LIN52: variants seen among roughly 807,000 people sequenced by gnomAD.
The protein encoded by LIN52 is protein lin-52 homolog.
Under a neutral mutation model 18.5 loss-of-function variants are expected in LIN52, and 4 were observed. The ratio of observed to expected loss-of-function variants is 0.22; its 90% CI spans 0.11 to 0.49. The LOEUF (loss-of-function observed/expected upper bound fraction) is 0.49, where lower values mean the gene tolerates loss of function less well. LIN52 is among the 20% of genes least tolerant of loss of function. The probability of loss-of-function intolerance (pLI) is 0.97; values close to 1 mark genes in which losing one functional copy is unlikely to be tolerated. For missense variants in LIN52, 102 were observed against 139.5 expected, an observed-to-expected ratio of 0.73 and a Z score of 1.35; for synonymous variants, 34 against 45.5, an observed-to-expected ratio of 0.75 and a Z score of 1.02.
At chr14:74,144,858 C>T (rs1245975884) in intron 5 of LIN52, among the ~76,000 whole-genome samples, 3 of 152,172 alleles carry the variant, frequency 2.0e-5, no homozygotes, top group Non-Finnish European at 2.9e-5. Context: ...GAAATGTTAA[C>T]TGGAACTTGT....
chr14:74,176,901 C>T (rs1198948200), intron 5 of LIN52, among the ~76,000 whole-genome samples: 2 of 152,198 alleles, frequency 1.3e-5, no homozygotes, highest in Non-Finnish European at 2.9e-5. Flanking sequence ...TATTTTCTAT[C>T]TCTGGGTTTT....
intron 5 of LIN52, among the ~76,000 whole-genome samples, chr14:74,185,305 A>ATTTT (rs1595190900): frequency 4.0e-5 from 3 of 75,298 alleles, no homozygotes; most frequent in Non-Finnish European, 8.1e-5. Context: ...TTTTATAATG[A>ATTTT]TTTCTTTTTT....
intron 5 of LIN52, among the ~76,000 whole-genome samples, chr14:74,105,787 G>A (rs534774679): frequency 4.6e-5 from 7 of 151,856 alleles, no homozygotes; most frequent in South Asian, 2.1e-4. Context: ...TAAAGATGAT[G>A]GAAAGAAAAA....
intron 5 of LIN52, among the ~76,000 whole-genome samples, chr14:74,123,091 T>C (rs573829796): frequency 6.6e-6 from 1 of 152,322 alleles, no homozygotes; most frequent in African/African-American, 2.4e-5. Context: ...TTAACTGTTG[T>C]TACTCTTATG....
intron 5 of LIN52, among the ~76,000 whole-genome samples, chr14:74,106,407 C>T (rs2060897492): frequency 2.0e-5 from 3 of 151,908 alleles, no homozygotes. Flanking sequence ...GTAGCTGGGA[C>T]TACAGGTGCA....
At chr14:74,185,283 T>G (rs2139589619) in intron 5 of LIN52, among the ~76,000 whole-genome samples, 1 of 150,666 alleles carries the variant, frequency 6.6e-6, no homozygotes. Flanking sequence ...GGTTTTTATG[T>G]AATATATTTG....
chr14:74,139,344 C>T (rs2061116198), intron 5 of LIN52, among the ~76,000 whole-genome samples: 1 of 152,120 alleles, frequency 6.6e-6, no homozygotes, highest in Non-Finnish European at 1.5e-5. Context: ...GGACAAGAGA[C>T]CTTTGCAAGA....
intron 5 of LIN52, among the ~76,000 whole-genome samples, chr14:74,136,043 A>G (rs1178277942): frequency 6.6e-6 from 1 of 152,170 alleles, no homozygotes; most frequent in African/African-American, 2.4e-5. Context: ...GTGAAATTAC[A>G]TTGTTACCTA....
chr14:74,098,710 G>C (rs2060832405), intron 4 of LIN52, among the ~76,000 whole-genome samples: 1 of 151,942 alleles, frequency 6.6e-6, no homozygotes, highest in South Asian at 2.1e-4. Flanking sequence ...ACCACGTCCA[G>C]CTAATTTTTG....
intron 5 of LIN52, among the ~76,000 whole-genome samples, chr14:74,151,421 G>T (rs1335687841): frequency 1.3e-5 from 2 of 152,154 alleles, no homozygotes; most frequent in Non-Finnish European, 2.9e-5. Context: ...TATTTAGGAA[G>T]ATTGAGATAA....
intron 5 of LIN52, among the ~76,000 whole-genome samples, chr14:74,170,954 G>T (rs2061267568): frequency 1.3e-5 from 2 of 150,540 alleles, no homozygotes; most frequent in South Asian, 4.2e-4. Context: ...ACTGTGGCTG[G>T]TATATTGCTT....
rs368365541 is a variant in LIN52, at chr14:74,097,889, T to C, written c.199+29T>C. 3.1e-4 allele frequency: 469 copies of C among 1,523,958 alleles called. No individual in the cohort carries two copies. In the Middle Eastern group the frequency reaches 6.7e-3, roughly 22 times the overall value. The allele number at this position is 1,523,958 out of a possible 1,614,324, so 94.4% of individuals were successfully genotyped here. A position where few individuals can be genotyped will look rare whatever the true frequency, so the allele number is the denominator to read the frequency against. Reference sequence around the variant, plus strand: ...AGTGATGCTAGTTACCACTTTTAACTGGATATTTATGTTTTTCCATAGACC... The same window carrying C: ...AGTGATGCTAGTTACCACTTTTAACCGGATATTTATGTTTTTCCATAGACC... On this transcript the variant is annotated intron_variant, in intron 4 of 5. Coordinates refer to ENST00000555028, the MANE Select transcript of LIN52 (RefSeq NM_001024674.3).
intron 5 of LIN52, among the ~76,000 whole-genome samples, chr14:74,176,047 A>G (rs981116993): frequency 2.0e-4 from 30 of 152,260 alleles, no homozygotes; most frequent in Admixed American, 4.6e-4. Flanking sequence ...ACTCTCTTCT[A>G]TCTCCACATC....
intron 1 of LIN52, among the ~76,000 whole-genome samples, chr14:74,086,798 ATTG>A (rs2060735225): frequency 6.6e-6 from 1 of 152,194 alleles, no homozygotes; most frequent in African/African-American, 2.4e-5. Flanking sequence ...ATAGGGAGTT[ATTG>A]TTAATGGGTA....
intron 5 of LIN52, among the ~76,000 whole-genome samples, chr14:74,171,736 CTTTTTTTTTT>C (rs534860812): frequency 8.2e-6 from 1 of 122,696 alleles, no homozygotes. Flanking sequence ...TATTTTAATT[CTTTTTTTTTT>C]TTTTTTTTTT....
intron 5 of LIN52, among the ~76,000 whole-genome samples, chr14:74,187,053 G>GA (rs1331208903): frequency 5.3e-5 from 8 of 152,124 alleles, no homozygotes; most frequent in Non-Finnish European, 1.2e-4. Context: ...CTCCAGCCTG[G>GA]GTGACGGGGT....
intron 5 of LIN52, among the ~76,000 whole-genome samples, chr14:74,175,519 C>T (rs1373216205): frequency 6.6e-6 from 1 of 151,186 alleles, no homozygotes; most frequent in Non-Finnish European, 1.5e-5. Context: ...ATAGCAAGAC[C>T]CTGTCTCTAC....
intron 5 of LIN52, among the ~76,000 whole-genome samples, chr14:74,110,227 T>C (rs975567316): frequency 6.6e-6 from 1 of 152,224 alleles, no homozygotes; most frequent in Non-Finnish European, 1.5e-5. Context: ...GTTATTTGGC[T>C]AAATTTTATC....
At chr14:74,177,863 C>T (rs995681303) in intron 5 of LIN52, among the ~76,000 whole-genome samples, 3 of 151,928 alleles carry the variant, frequency 2.0e-5, no homozygotes, top group Non-Finnish European at 1.5e-5. Context: ...TTCCAACCTC[C>T]GCCACGTGCG....
Sources: gnomAD v4.1 joint callset for allele counts (sites outside exome capture counted in the v4.1 genomes callset) on GRCh38, gnomAD v4.1.1 for gene constraint, MANE v1.5 for transcripts, NCBI Gene and HGNC (gene_info 2026-07-23, HGNC 2026-07-21) for gene names.